CTNNA3: variants seen among roughly 807,000 people sequenced by gnomAD.
CTNNA3 encodes the protein catenin alpha-3.
CTNNA3 carries 76 observed loss-of-function variants against 95.7 expected under a neutral mutation model. That is an observed-to-expected ratio of 0.79 (90% CI 0.66 to 0.96). The LOEUF is 0.96. Ranked by LOEUF, CTNNA3 falls within the 40% of genes least tolerant of loss-of-function variation. The pLI, the probability that CTNNA3 is intolerant of heterozygous loss-of-function variation, is 0.00. For missense variants in CTNNA3, 1,191 were observed against 1,089.8 expected (o/e 1.09, Z -1.31); for synonymous variants, 431 against 374.4 (o/e 1.15, Z -1.74).
chr10:67,024,401 C>A (rs116775059), intron 7 of CTNNA3, among the ~76,000 whole-genome samples: 203 of 152,338 alleles, frequency 1.3e-3, no homozygotes, highest in African/African-American at 4.7e-3. Context: ...AATCCAGTAT[C>A]ATTTCCCTAT....
At chr10:67,329,376 T>C (rs945707599) in intron 5 of CTNNA3, among the ~76,000 whole-genome samples, 4 of 152,146 alleles carry the variant, frequency 2.6e-5, no homozygotes, top group African/African-American at 9.7e-5. Context: ...GTCTCAAAAA[T>C]AAAATCAAAT....
intron 7 of CTNNA3, among the ~76,000 whole-genome samples, chr10:67,006,237 C>G (rs1851980019): frequency 6.6e-6 from 1 of 152,058 alleles, no homozygotes; most frequent in Admixed American, 6.6e-5. Context: ...TTACTTCTGC[C>G]TGATTCCAAA....
chr10:67,486,011 TA>T (rs779433594), intron 5 of CTNNA3, among the ~76,000 whole-genome samples: 3 of 152,226 alleles, frequency 2.0e-5, no homozygotes, highest in Non-Finnish European at 4.4e-5. Context: ...TTTTATGTTA[TA>T]AAGCTGCTAA....
intron 7 of CTNNA3, among the ~76,000 whole-genome samples, chr10:66,953,392 G>T (rs1848636326): frequency 6.6e-6 from 1 of 152,152 alleles, no homozygotes; most frequent in Non-Finnish European, 1.5e-5. Context: ...AGTTGAAAAT[G>T]AATACATGAA....
chr10:67,216,308 C>T (rs949071047), intron 6 of CTNNA3, among the ~76,000 whole-genome samples: 1 of 152,112 alleles, frequency 6.6e-6, no homozygotes, highest in Non-Finnish European at 1.5e-5. Flanking sequence ...TCTCTTTGTG[C>T]TGCCTTACCA....
chr10:67,210,301 C>T (rs994059477), intron 6 of CTNNA3, among the ~76,000 whole-genome samples: 3 of 151,762 alleles, frequency 2.0e-5, no homozygotes, highest in Admixed American at 6.6e-5. Flanking sequence ...ACTGAGACTC[C>T]ATCTCAAAAT....
At chr10:66,499,363 A>C (rs911056317) in intron 11 of CTNNA3, among the ~76,000 whole-genome samples, 5 of 152,220 alleles carry the variant, frequency 3.3e-5, no homozygotes, top group Admixed American at 1.3e-4. Context: ...ACAAATAAAA[A>C]ACTAGGCTTA....
At chr10:66,094,981 G>T (rs2081339947) in intron 14 of CTNNA3, among the ~76,000 whole-genome samples, 1 of 152,088 alleles carries the variant, frequency 6.6e-6, no homozygotes, top group African/African-American at 2.4e-5. Flanking sequence ...GGTGCCTTAA[G>T]GAATGTAAGA....
chr10:67,135,786 GT>G (rs1860274298), intron 7 of CTNNA3, among the ~76,000 whole-genome samples: 1 of 152,110 alleles, frequency 6.6e-6, no homozygotes, highest in South Asian at 2.1e-4. Flanking sequence ...TCTCACACTA[GT>G]CTCAATCTCA....
At chr10:65,928,673 G>T (rs941152092) in intron 17 of CTNNA3, among the ~76,000 whole-genome samples, 1 of 152,090 alleles carries the variant, frequency 6.6e-6, no homozygotes, top group Non-Finnish European at 1.5e-5. Context: ...CTTGTATTCT[G>T]CACAAACTGT....
intron 13 of CTNNA3, among the ~76,000 whole-genome samples, chr10:66,271,277 A>G (rs1406588878): frequency 4.6e-5 from 7 of 152,282 alleles, no homozygotes; most frequent in African/African-American, 1.4e-4. Context: ...GTTTTCTAAA[A>G]TTCATCATTT....
intron 9 of CTNNA3, among the ~76,000 whole-genome samples, chr10:66,712,965 G>A (rs1287885331): frequency 6.6e-6 from 1 of 152,086 alleles, no homozygotes; most frequent in Non-Finnish European, 1.5e-5. Flanking sequence ...TCAAGGTAGT[G>A]TCTCTGGTAG....
chr10:67,278,781 C>T (rs926215344), intron 5 of CTNNA3, among the ~76,000 whole-genome samples: 11 of 152,078 alleles, frequency 7.2e-5, no homozygotes, highest in African/African-American at 2.4e-4. Context: ...CAAGGTATGG[C>T]AAGGAAATAT....
At chr10:66,764,005 C>A (rs1030618163) in intron 9 of CTNNA3, among the ~76,000 whole-genome samples, 3 of 152,114 alleles carry the variant, frequency 2.0e-5, no homozygotes, top group Non-Finnish European at 4.4e-5. Flanking sequence ...TGAGAGATAA[C>A]AAATAGTTGC....
At chr10:66,268,531 G>A (rs2091208122) in intron 13 of CTNNA3, among the ~76,000 whole-genome samples, 2 of 152,104 alleles carry the variant, frequency 1.3e-5, no homozygotes, top group East Asian at 3.9e-4. Flanking sequence ...GAAGGAGTCT[G>A]TACCCTTTCT....
At chr10:66,562,993 G>C (rs535528807) in intron 10 of CTNNA3, among the ~76,000 whole-genome samples, 1 of 151,998 alleles carries the variant, frequency 6.6e-6, no homozygotes, top group South Asian at 2.1e-4. Flanking sequence ...ACATTTTAAG[G>C]GAGGATGGCT....
rs573957482 is a variant in CTNNA3, at chr10:67,741,768, C to T, written c.-2+21666G>A. Among the ~76,000 whole-genome samples the T allele has an allele frequency of 6.0e-5, 9 of 151,224 alleles. No individual in the cohort carries two copies. In the East Asian group the frequency reaches 1.2e-3, roughly 19 times the overall value. On this transcript the variant is annotated intron_variant, in intron 1 of 17. Transcript: ENST00000684154. ...TGCTGCATTCAGGAAACCCATTTCA[C>T]GTGCACAGACACACATAGGATCAAA... is the stretch of plus-strand genomic sequence containing the variant.
At chr10:67,556,902 AT>A (rs928907432) in intron 3 of CTNNA3, among the ~76,000 whole-genome samples, 93 of 152,138 alleles carry the variant, frequency 6.1e-4, no homozygotes, top group African/African-American at 2.1e-3. Flanking sequence ...AGTGCTATAA[AT>A]TTCCCCCTAC....
intron 17 of CTNNA3, among the ~76,000 whole-genome samples, chr10:65,945,849 G>T (rs575987532): frequency 2.6e-4 from 40 of 152,134 alleles, no homozygotes; most frequent in Non-Finnish European, 4.1e-4. Context: ...ATAAATGTTA[G>T]TTGTCATTGT....
Sources: allele counts gnomAD v4.1 joint callset (sites outside exome capture counted in the v4.1 genomes callset), GRCh38; gene constraint gnomAD v4.1.1; transcripts MANE v1.5; gene names NCBI Gene and HGNC (gene_info 2026-07-23, HGNC 2026-07-21).